The following BAHCC1 variants were observed in gnomAD, a reference collection of about 807,000 sequenced individuals.
BAHCC1 encodes the protein BAH and coiled-coil domain-containing protein 1.
A neutral mutation model predicts 88.2 loss-of-function variants in BAHCC1; 43 were observed. The observed-to-expected ratio is 0.49, with a 90% CI of 0.38 to 0.63. BAHCC1 has a LOEUF of 0.63. BAHCC1 is among the 20% of genes least tolerant of loss of function. The probability of loss-of-function intolerance (pLI) is 0.00; values close to 1 mark genes in which losing one functional copy is unlikely to be tolerated. For missense variants in BAHCC1, 3,023 were observed against 1,654.8 expected, an observed-to-expected ratio of 1.83 and a Z score of -14.34; for synonymous variants, 1,510 against 745.5, an observed-to-expected ratio of 2.03 and a Z score of -16.71.
chr17:81,426,957 C>A lies in BAHCC1; in HGVS notation c.336C>A (p.Ile112=). Residue 112 remains isoleucine (I), a synonymous_variant, in exon 3 of 28, where the codon ATC becomes ATA. Transcript: ENST00000675386. The part of the protein sequence containing the change: ...YRGSHPTTSQ[I]WFSHSHEAPG... ...GCTCCCACCCCACCACCTCCCAGATCTGGTTCTCCCACTCCCACGAAGGTA... is the reference window on the plus strand; with the variant it reads ...GCTCCCACCCCACCACCTCCCAGATATGGTTCTCCCACTCCCACGAAGGTA... The A allele has an allele frequency of 2.5e-6, 1 of 398,668 alleles. No homozygotes were observed. Among genetic ancestry groups the A allele is most frequent in the Non-Finnish European group, 4.4e-6 (1 of 226,104 alleles). 24.7% of individuals were successfully genotyped at this position (398,668 alleles called of 1,614,324 possible).
At chr17:81,454,408 G>A (rs1799382315) in intron 14 of BAHCC1, among the ~76,000 whole-genome samples, 1 of 152,180 alleles carries the variant, frequency 6.6e-6, no homozygotes, top group Admixed American at 6.5e-5. Flanking sequence ...GCTCCATCTG[G>A]GAGGGGCCAG....
rs932662492 is a variant in BAHCC1, at chr17:81,426,997, G to T, written c.358+18G>T. 4.5e-5 allele frequency: 18 copies of T among 398,586 alleles called. No homozygotes were observed. In the East Asian group the frequency reaches 6.4e-4, roughly 14 times the overall value. The allele number at this position is 398,586 out of a possible 1,614,324, so 24.7% of individuals were successfully genotyped here. A position where few individuals can be genotyped will look rare whatever the true frequency, so the allele number is the denominator to read the frequency against. ...CCACGAAGGTAAGTTGGCGGACTGG[G>T]CTCCCAGCGACACCCTGGTGGCCAA... On this transcript the variant is annotated intron_variant, in intron 3 of 27. Coordinates refer to ENST00000675386, the MANE Select transcript of BAHCC1 (RefSeq NM_001377448.1).
In BAHCC1 at chr17:81,435,428, A is replaced by C; in HGVS notation, c.359-2942A>C. On this transcript the variant is annotated intron_variant, in intron 3 of 27. Transcript: ENST00000675386. This position sits in a 1 kb window ranked among gnomAD's most constrained non-coding sequence, Gnocchi z 4.4. ...CCCACTGCCCCCAGGGCTCTTCCCC[A>C]CGCTCCACCAGGCTCCGAGGGCACC... 1 of 469,856 alleles carries C rather than the reference A, an allele frequency of 2.1e-6. No homozygotes were observed. The highest frequency in any genetic ancestry group is 4.4e-6 in the Non-Finnish European group (1 of 226,842). 29.1% of individuals were successfully genotyped at this position (469,856 alleles called of 1,614,324 possible). A position where few individuals can be genotyped will look rare whatever the true frequency, so the allele number is the denominator to read the frequency against.
intron 10 of BAHCC1, among the ~76,000 whole-genome samples, chr17:81,446,143 C>T (rs1226694290): frequency 1.3e-5 from 2 of 152,048 alleles, no homozygotes; most frequent in African/African-American, 4.8e-5. Flanking sequence ...ATCCACTCCC[C>T]ACCAGCCTAT....
rs782327472 is a variant in BAHCC1, at chr17:81,444,553, G to A, written c.2497G>A (p.Gly833Arg). 5.1e-5 allele frequency: 37 copies of A among 722,786 alleles called. No individual in the cohort carries two copies. In the South Asian group the frequency reaches 5.4e-4, roughly 10 times the overall value. The allele number at this position is 722,786 out of a possible 1,614,324, so 44.8% of individuals were successfully genotyped here. ...CACCCGCAGCCCCTCCCTGTGGATG[G>A]GGGGGCACTCCTACGGTCAGTGATC... is the stretch of plus-strand genomic sequence containing the variant. ...PRTRSPSLWM[G>R]GHSYGLGHPA... Residue 833 changes from glycine to arginine, a missense_variant, in exon 7 of 28, where the codon GGG (glycine) becomes AGG (arginine). Physicochemically the swap from Gly to Arg is moderately radical, Grantham distance 125. Transcript: ENST00000675386.
At chr17:81,443,750 A>C in intron 5 of BAHCC1, 59 bp from the exon 6 acceptor site, 1 of 699,290 alleles carries the variant, frequency 1.4e-6, no homozygotes, top group South Asian at 1.5e-5. Context: ...TGCTTGCCTT[A>C]GCTGGTGGCT....
At chr17:81,410,101 T>G (rs1333165474) in intron 2 of BAHCC1, 2 of 350,214 alleles carry the variant, frequency 5.7e-6, no homozygotes, top group African/African-American at 4.3e-5. Context: ...TGAGTGGGAC[T>G]GGGGGATGCA....
chr17:81,460,231 C>G (rs782817662), intron 23 of BAHCC1, 46 bp from the exon 24 acceptor site: 5 of 719,186 alleles, frequency 7.0e-6, no homozygotes, highest in Non-Finnish European at 1.0e-5. Flanking sequence ...CTGTTTCGGG[C>G]GCCTACTGGG....
intron 2 of BAHCC1, among the ~76,000 whole-genome samples, chr17:81,416,139 C>T (rs1226014894): frequency 5.4e-5 from 7 of 129,516 alleles, no homozygotes; most frequent in Non-Finnish European, 9.6e-5. Flanking sequence ...TGGGTCTATG[C>T]GTGTGTCCAT....
In BAHCC1 at chr17:81,447,376, C is replaced by T. The variant is rs117775652; in HGVS notation, c.3504C>T (p.Pro1168=). ...QCAALLEAGG[P]EATGQAHSTQ... is the part of the protein sequence containing the mutation. ...CGGCCCTCCTGGAGGCAGGGGGCCC[C>T]GAGGCCACCGGCCAGGCTCATTCTA... The change falls in exon 11 of 28, where the codon CCC becomes CCT. Residue 1168 remains proline, a synonymous_variant. Transcript: ENST00000675386. The T allele has an allele frequency of 2.9e-4, 211 of 735,652 alleles. No individual in the cohort carries two copies. The East Asian group carries it at 4.3e-3, about 15-fold the overall frequency. The allele number at this position is 735,652 out of a possible 1,614,324, so 45.6% of individuals were successfully genotyped here. A position where few individuals can be genotyped will look rare whatever the true frequency, so the allele number is the denominator to read the frequency against.
At chr17:81,409,638 AC>A (rs1438897675) in intron 2 of BAHCC1, among the ~76,000 whole-genome samples, 1 of 152,152 alleles carries the variant, frequency 6.6e-6, no homozygotes, top group Non-Finnish European at 1.5e-5. Context: ...GAGGAGGGAC[AC>A]CTGGGGAGGG....
In BAHCC1 at chr17:81,411,585, T is replaced by C. The variant is rs369572805; in HGVS notation, c.178+11668T>C. 5.1e-4 allele frequency: 223 copies of C among 433,682 alleles called. No homozygotes were observed. The highest frequency in any genetic ancestry group is 4.3e-3 in the African/African-American group (200 of 46,472). 26.9% of individuals were successfully genotyped at this position (433,682 alleles called of 1,614,324 possible). On this transcript the variant is annotated intron_variant, in intron 2 of 27. Coordinates refer to ENST00000675386, the MANE Select transcript of BAHCC1 (RefSeq NM_001377448.1). This position sits in a 1 kb window ranked among gnomAD's most constrained non-coding sequence, Gnocchi z 6.2. Reference sequence around the variant, plus strand: ...CTTCCTTCCTTCCTTGAGAGGCCTCTCTACCCAGCACCCACGAAGACGGGT... The same window carrying C: ...CTTCCTTCCTTCCTTGAGAGGCCTCCCTACCCAGCACCCACGAAGACGGGT...
rs782059641 is a variant in BAHCC1, at chr17:81,462,812, G to A, written c.7456G>A (p.Val2486Ile). The A allele has an allele frequency of 1.3e-6, 1 of 780,446 alleles. No individual in the cohort carries two copies. The highest frequency in any genetic ancestry group is 2.4e-6 in the Non-Finnish European group (1 of 418,022). 48.3% of individuals were successfully genotyped at this position (780,446 alleles called of 1,614,324 possible). ...CGTGCGGGGCGAGGAGACCCTGCGT[G>A]TCGGGGACTGTGCCGTCTTCCTGTC... ...AIVRGEETLR[V>I]GDCAVFLSAG... Residue 2486 changes from valine (V) to isoleucine (I), a missense_variant, in exon 27 of 28, where the codon GTC becomes ATC. Transcript: ENST00000675386.
intron 2 of BAHCC1, among the ~76,000 whole-genome samples, chr17:81,407,689 C>T (rs1339815919): frequency 4.6e-5 from 7 of 152,246 alleles, no homozygotes; most frequent in Admixed American, 1.3e-4. Context: ...CTGTGGCCCC[C>T]TCTTGGGTGA....
Position 81,457,409 on chromosome 17 carries a change from GGCA to G in BAHCC1, c.4860_4862del (p.Ser1621del). On this transcript the variant is annotated inframe_deletion and splice_region_variant, in exon 17 of 28. Coordinates refer to ENST00000675386, the MANE Select transcript of BAHCC1 (RefSeq NM_001377448.1). The stretch of plus-strand genomic sequence containing the variant: ...TCAGGACCCCTCTGCCTCTCTCCCA[GGCA>G]GTGGCTATGACAGTGAGGACTGCGA... 2.6e-6 allele frequency: 2 copies of G among 767,696 alleles called. No homozygotes were observed. Among genetic ancestry groups the G allele is most frequent in the Non-Finnish European group, 4.8e-6 (2 of 412,708 alleles). The allele number at this position is 767,696 out of a possible 1,614,324, so 47.6% of individuals were successfully genotyped here.
In BAHCC1 at chr17:81,459,116, G is replaced by A. The variant is rs782422985; in HGVS notation, c.5668G>A (p.Glu1890Lys). The A allele has an allele frequency of 1.0e-5, 8 of 772,560 alleles. No individual in the cohort carries two copies. Among genetic ancestry groups the A allele is most frequent in the Non-Finnish European group, 1.4e-5 (6 of 415,006 alleles). The allele number at this position is 772,560 out of a possible 1,614,324, so 47.9% of individuals were successfully genotyped here. Reference protein sequence around the residue: ...RDGLPVLIPKEDSLLYAGSVR... With the variant: ...RDGLPVLIPKKDSLLYAGSVR... ...CGGGCTGCCCGTGCTCATCCCCAAG[G>A]AGGATAGCCTGCTGTACGCGGGCAG... Residue 1890 changes from glutamate (E) to lysine (K), a missense_variant, in exon 21 of 28, where the codon GAG becomes AAG. Physicochemically the swap from Glu to Lys is moderately conservative, Grantham distance 56. Transcript: ENST00000675386.
rs1555653695 is a variant in BAHCC1, at chr17:81,444,468, C to T, written c.2412C>T (p.Ser804=). The T allele has an allele frequency of 1.7e-5, 12 of 725,590 alleles. No individual in the cohort carries two copies. Among genetic ancestry groups the T allele is most frequent in the South Asian group, 5.9e-5 (4 of 68,002 alleles). 44.9% of individuals were successfully genotyped at this position (725,590 alleles called of 1,614,324 possible). Residue 804 remains serine, a synonymous_variant, in exon 7 of 28, where the codon AGC becomes AGT. Transcript: ENST00000675386. The part of the protein sequence containing the change: ...GDLAPHLMMQ[S]GQLGGDPAPH... ...TGGCCCCCCACCTCATGATGCAGAGCGGCCAGCTGGGCGGGGACCCAGCCC... is the reference window on the plus strand; with the variant it reads ...TGGCCCCCCACCTCATGATGCAGAGTGGCCAGCTGGGCGGGGACCCAGCCC...
chr17:81,396,804 C>T (rs2063750842), intron 1 of BAHCC1: 1 of 152,424 alleles, frequency 6.6e-6, no homozygotes, highest in Middle Eastern at 3.4e-3. Flanking sequence ...CCCTGTGCTC[C>T]TAGGTTCAGT....
chr17:81,441,924 C>G lies in BAHCC1; in HGVS notation c.575C>G (p.Pro192Arg). 2.7e-6 allele frequency: 2 copies of G among 729,780 alleles called. No homozygotes were observed. Among genetic ancestry groups the G allele is most frequent in the African/African-American group, 1.8e-5 (1 of 56,936 alleles). 45.2% of individuals were successfully genotyped at this position (729,780 alleles called of 1,614,324 possible). ...GTGGCCCGGGCCGCCCCTGCCCACC[C>G]CATGGGCTCCTGCAGCCGGGATCGA... is the stretch of plus-strand genomic sequence containing the variant. ...PSVARAAPAH[P>R]MGSCSRDRDR... The change falls in exon 5 of 28, where the codon CCC (proline) becomes CGC (arginine). Residue 192 changes from proline (P) to arginine (R), a missense_variant. Physicochemically the swap from Pro to Arg is moderately radical, Grantham distance 103. Transcript: ENST00000675386.
Sources: allele counts gnomAD v4.1 joint callset (sites outside exome capture counted in the v4.1 genomes callset), GRCh38; gene constraint gnomAD v4.1.1; non-coding constraint Gnocchi (gnomAD v3.1); transcripts MANE v1.5; gene names NCBI Gene and HGNC (gene_info 2026-07-23, HGNC 2026-07-21).